The following MFF variants were observed in gnomAD, a reference collection of about 807,000 sequenced individuals.
The protein encoded by MFF is chromosome 2 open reading frame 33.
In MFF, 12 loss-of-function variants were observed where a neutral mutation model predicts 36.9. The ratio of observed to expected loss-of-function variants is 0.33; its 90% CI spans 0.21 to 0.53. The LOEUF (loss-of-function observed/expected upper bound fraction) is 0.53, where lower values mean the gene tolerates loss of function less well. MFF is among the 20% of genes least tolerant of loss of function. The pLI is 0.95. For synonymous variants in MFF, 99 were observed against 126.2 expected, an observed-to-expected ratio of 0.78 and a Z score of 1.44; for missense variants, 348 against 366.6, an observed-to-expected ratio of 0.95 and a Z score of 0.42.
intron 4 of MFF, among the ~76,000 whole-genome samples, chr2:227,334,871 A>T (rs2074868094): frequency 6.7e-6 from 1 of 149,100 alleles, no homozygotes; most frequent in South Asian, 2.1e-4. Context: ...ATTCAGCCAT[A>T]AAAAAATGAG....
intron 7 of MFF, among the ~76,000 whole-genome samples, chr2:227,354,052 A>AT (rs2076139140): frequency 6.6e-6 from 1 of 152,188 alleles, no homozygotes; most frequent in Admixed American, 6.5e-5. Context: ...AACTGGTATA[A>AT]TTACCCTAAC....
At chr2:227,351,448 A>C (rs559302169) in intron 6 of MFF, among the ~76,000 whole-genome samples, 1 of 152,158 alleles carries the variant, frequency 6.6e-6, no homozygotes, top group Admixed American at 6.6e-5. Flanking sequence ...TTACAGAAAA[A>C]ATTAGTGCAT....
intron 7 of MFF, among the ~76,000 whole-genome samples, chr2:227,353,156 G>A (rs559181828): frequency 2.4e-4 from 37 of 152,262 alleles, no homozygotes; most frequent in African/African-American, 7.9e-4. Context: ...TCAGACACGC[G>A]TAGGTTGAGC....
chr2:227,341,988 A>G (rs1168326838), intron 5 of MFF, among the ~76,000 whole-genome samples: 1 of 152,162 alleles, frequency 6.6e-6, no homozygotes, highest in Admixed American at 6.5e-5. Flanking sequence ...GTGAAGTATA[A>G]TTTAGAGTAG....
intron 3 of MFF, 99 bp downstream of exon 3, chr2:227,330,945 T>C: frequency 1.1e-6 from 1 of 951,080 alleles, no homozygotes; most frequent in Non-Finnish European, 1.6e-6. Context: ...AGAAAAGGAG[T>C]TGGAAAATGC....
intron 5 of MFF, 57 bp downstream of exon 5, chr2:227,340,437 G>A: frequency 7.8e-7 from 1 of 1,274,204 alleles, no homozygotes; most frequent in Non-Finnish European, 1.1e-6. Flanking sequence ...GATATTTTCT[G>A]TACCCATGTT....
chr2:227,328,686 G>A lies in MFF; in HGVS notation c.-144G>A, dbSNP rs1479457195. The A allele has an allele frequency of 1.9e-5, 3 of 154,796 alleles. No homozygotes were observed. Among genetic ancestry groups the A allele is most frequent in the African/African-American group, 7.2e-5 (3 of 41,580 alleles). 9.6% of individuals were successfully genotyped at this position (154,796 alleles called of 1,614,324 possible). A position where few individuals can be genotyped will look rare whatever the true frequency, so the allele number is the denominator to read the frequency against. ...CTGTTTTTCTTCCCCAGGGACAAAA[G>A]TGGCTCTCAATCCAGCACATGCACA... On this transcript the variant is annotated 5_prime_UTR_variant, in exon 2 of 9. The change creates a new upstream start codon in the 5' untranslated region. Coordinates refer to ENST00000304593, the MANE Select transcript of MFF (RefSeq NM_001277062.2).
intron 6 of MFF, among the ~76,000 whole-genome samples, chr2:227,350,911 T>C (rs1021083720): frequency 1.3e-5 from 2 of 152,198 alleles, no homozygotes; most frequent in African/African-American, 4.8e-5. Context: ...TAATTTACTT[T>C]TACAATATAT....
intron 4 of MFF, among the ~76,000 whole-genome samples, chr2:227,337,343 C>T (rs2075080573): frequency 6.6e-6 from 1 of 152,202 alleles, no homozygotes; most frequent in African/African-American, 2.4e-5. Context: ...ATATTTATCC[C>T]AACTGTTCAG....
At chr2:227,340,628 G>T in intron 5 of MFF, 1 of 371,234 alleles carries the variant, frequency 2.7e-6, no homozygotes, top group South Asian at 3.6e-5. Context: ...TGGTGAACTG[G>T]TCCTTTCCAG....
At chr2:227,329,019 G>C (rs1486853757) in intron 2 of MFF, 1 of 152,196 alleles carries the variant, frequency 6.6e-6, no homozygotes, top group African/African-American at 2.4e-5. Flanking sequence ...TCTCCAGCAT[G>C]GAGTTTAGGA....
chr2:227,342,849 A>G (rs759739309), intron 5 of MFF: 1 of 1,582,596 alleles, frequency 6.3e-7, no homozygotes, highest in Non-Finnish European at 8.7e-7. Flanking sequence ...GCTTTTGACA[A>G]GTAGTTGTTT....
Position 227,355,672 on chromosome 2 carries a change from T to C in MFF, c.660-5T>C, listed in dbSNP as rs1336827013. ...TTCATTTGTATTTCTATCTCTTATC[T>C]GCAGGTATGGCATTTCAAATATAGA... On this transcript the variant is annotated splice_polypyrimidine_tract_variant and splice_region_variant and intron_variant, in intron 7 of 8. Coordinates refer to ENST00000304593, the MANE Select transcript of MFF (RefSeq NM_001277062.2). 2.1e-6 allele frequency: 3 copies of C among 1,405,774 alleles called. No homozygotes were observed. In the East Asian group the frequency reaches 6.9e-5, roughly 32 times the overall value. The allele number at this position is 1,405,774 out of a possible 1,614,324, so 87.1% of individuals were successfully genotyped here.
At chr2:227,344,659 A>G (rs749258516) in intron 5 of MFF, among the ~76,000 whole-genome samples, 9 of 152,136 alleles carry the variant, frequency 5.9e-5, no homozygotes, top group Non-Finnish European at 1.0e-4. Context: ...TCATCTGTGG[A>G]TGGAATTAAA....
chr2:227,345,138 ACCT>A (rs2075641340), intron 5 of MFF, among the ~76,000 whole-genome samples: 3 of 152,276 alleles, frequency 2.0e-5, no homozygotes, highest in Non-Finnish European at 2.9e-5. Context: ...TTATAAGATG[ACCT>A]CCTCATTTCC....
intron 6 of MFF, among the ~76,000 whole-genome samples, chr2:227,350,278 TAACTGGTTAG>T (rs2075925419): frequency 6.6e-6 from 1 of 152,146 alleles, no homozygotes; most frequent in Non-Finnish European, 1.5e-5. Flanking sequence ...ATTTGGTCCT[TAACTGGTTAG>T]AAAATGCCGG....
At chr2:227,327,849 TGTTA>T (rs944220401) in intron 1 of MFF, among the ~76,000 whole-genome samples, 6 of 152,166 alleles carry the variant, frequency 3.9e-5, no homozygotes, top group African/African-American at 1.4e-4. Context: ...CTTTTTTCAG[TGTTA>T]GTTCTGAATA....
At chr2:227,327,240 A>T (rs1397303882) in intron 1 of MFF, among the ~76,000 whole-genome samples, 1 of 152,072 alleles carries the variant, frequency 6.6e-6, no homozygotes, top group Non-Finnish European at 1.5e-5. Flanking sequence ...TGGGCTTAGA[A>T]AGTAGAAATA....
intron 5 of MFF, among the ~76,000 whole-genome samples, chr2:227,344,116 A>G (rs1400857319): frequency 6.6e-6 from 1 of 152,180 alleles, no homozygotes; most frequent in African/African-American, 2.4e-5. Context: ...CTCTTATGTG[A>G]TAAGATTTCA....
Sources: gnomAD v4.1 joint callset for allele counts (sites outside exome capture counted in the v4.1 genomes callset) on GRCh38, gnomAD v4.1.1 for gene constraint, MANE v1.5 for transcripts, NCBI Gene and HGNC (gene_info 2026-07-23, HGNC 2026-07-21) for gene names.